Variants in CENPP observed in about 807,000 individuals in gnomAD.
CENPP encodes centromere protein P.
CENPP carries 24 observed loss-of-function variants against 35.6 expected under a neutral mutation model. That is an observed-to-expected ratio of 0.67 (90% CI 0.49 to 0.95). CENPP has a LOEUF of 0.95. CENPP is among the 40% of genes least tolerant of loss of function. The probability of loss-of-function intolerance (pLI) is 0.00; values close to 1 mark genes in which losing one functional copy is unlikely to be tolerated. For synonymous variants in CENPP, 120 were observed against 125.5 expected, an observed-to-expected ratio of 0.96 and a Z score of 0.29; for missense variants, 332 against 345.3, an observed-to-expected ratio of 0.96 and a Z score of 0.31.
intron 5 of CENPP, among the ~76,000 whole-genome samples, chr9:92,503,880 G>C (rs927461441): frequency 6.6e-5 from 10 of 152,234 alleles, no homozygotes; most frequent in African/African-American, 2.2e-4. Context: ...CTGTAGGAAA[G>C]AATGACATGA....
intron 5 of CENPP, among the ~76,000 whole-genome samples, chr9:92,404,220 T>C (rs1164435782): frequency 6.6e-6 from 1 of 152,156 alleles, no homozygotes; most frequent in East Asian, 1.9e-4. Flanking sequence ...ACAGAATCAC[T>C]CAAGAGTTGC....
chr9:92,344,266 A>G (rs1245863995), intron 3 of CENPP, among the ~76,000 whole-genome samples: 1 of 152,212 alleles, frequency 6.6e-6, no homozygotes. Flanking sequence ...ACAGGATTCT[A>G]TAACCCAACA....
intron 5 of CENPP, among the ~76,000 whole-genome samples, chr9:92,605,686 G>A (rs761326553): frequency 6.6e-6 from 1 of 152,104 alleles, no homozygotes; most frequent in Admixed American, 6.6e-5. Context: ...AGCTAAAACT[G>A]TAAAACTCTT....
At chr9:92,402,223 C>A (rs144816732) in intron 5 of CENPP, among the ~76,000 whole-genome samples, 1 of 151,936 alleles carries the variant, frequency 6.6e-6, no homozygotes, top group South Asian at 2.1e-4. Context: ...ATTAGTAATA[C>A]CTATCCTTTG....
chr9:92,437,270 CT>C (rs1223884419), intron 5 of CENPP, among the ~76,000 whole-genome samples: 2 of 151,964 alleles, frequency 1.3e-5, no homozygotes, highest in African/African-American at 4.8e-5. Context: ...ATCAATTTGC[CT>C]TTTTTTAATT....
At chr9:92,402,331 A>C (rs1056076482) in intron 5 of CENPP, among the ~76,000 whole-genome samples, 5 of 152,180 alleles carry the variant, frequency 3.3e-5, no homozygotes, top group Non-Finnish European at 5.9e-5. Context: ...GTACCCCTGC[A>C]AAAAAGAAAA....
chr9:92,356,783 A>G (rs1455524823), intron 4 of CENPP, among the ~76,000 whole-genome samples: 2 of 152,162 alleles, frequency 1.3e-5, no homozygotes, highest in Non-Finnish European at 2.9e-5. Flanking sequence ...GACAGGTGTA[A>G]GAAATTATAA....
intron 5 of CENPP, among the ~76,000 whole-genome samples, chr9:92,529,474 G>A (rs1848615519): frequency 2.0e-5 from 3 of 152,094 alleles, no homozygotes; most frequent in Admixed American, 2.0e-4. Context: ...CAAATAAGAT[G>A]AAAATCTATG....
chr9:92,584,624 G>GT (rs954096811), intron 5 of CENPP, among the ~76,000 whole-genome samples: 3 of 152,136 alleles, frequency 2.0e-5, no homozygotes, highest in Non-Finnish European at 2.9e-5. Context: ...ATGCCTGGCT[G>GT]TAAGTTCGTT....
intron 5 of CENPP, chr9:92,522,885 A>C: frequency 6.3e-7 from 1 of 1,579,762 alleles, no homozygotes; most frequent in Non-Finnish European, 8.6e-7. Context: ...TTTTTCCACC[A>C]GCCAATTTCT....
At chr9:92,404,645 G>T in intron 5 of CENPP, 1 of 1,270,672 alleles carries the variant, frequency 7.9e-7, no homozygotes, top group African/African-American at 1.6e-5. Context: ...TTTAAGAACA[G>T]TTTCCATGTG....
chr9:92,506,471 C>G (rs1218519504), intron 5 of CENPP, among the ~76,000 whole-genome samples: 4 of 152,146 alleles, frequency 2.6e-5, no homozygotes, highest in Non-Finnish European at 5.9e-5. Context: ...GACAGCTCAG[C>G]AATGATAATA....
At chr9:92,505,986 G>A (rs897846137) in intron 5 of CENPP, among the ~76,000 whole-genome samples, 5 of 152,120 alleles carry the variant, frequency 3.3e-5, no homozygotes, top group Admixed American at 1.3e-4. Context: ...AGAGAGGGAG[G>A]GAGATAGGAA....
chr9:92,469,371 C>A (rs564111691), intron 5 of CENPP, among the ~76,000 whole-genome samples: 48 of 152,204 alleles, frequency 3.2e-4, no homozygotes, highest in South Asian at 3.1e-3. Context: ...AGGCTTGATG[C>A]AAGGATTGAG....
intron 4 of CENPP, among the ~76,000 whole-genome samples, chr9:92,369,597 T>C (rs1027621568): frequency 1.3e-5 from 2 of 152,222 alleles, no homozygotes; most frequent in African/African-American, 4.8e-5. Flanking sequence ...CAGTATTAAT[T>C]CTTCAAAGCA....
intron 5 of CENPP, among the ~76,000 whole-genome samples, chr9:92,547,121 C>T (rs917866355): frequency 1.3e-5 from 2 of 152,122 alleles, no homozygotes; most frequent in African/African-American, 4.8e-5. Context: ...GTAAGTGTAA[C>T]AGTCCAAACA....
At position 92,409,470 on chromosome 9, in the gene CENPP, A is replaced by G. The variant is rs77695003; in HGVS notation, c.564+29611A>G. Among the ~76,000 whole-genome samples, 884 of 152,328 alleles carry G rather than the reference A, an allele frequency of 5.8e-3. 46 individuals carry two copies. The East Asian group carries it at 0.092, about 16-fold the overall frequency. The stretch of plus-strand genomic sequence containing the variant: ...TGATTAAGTGTGTTATATAATATGC[A>G]TACATCTGTATTTTACTTTAGTGCT... On this transcript the variant is annotated intron_variant, in intron 5 of 7. Coordinates refer to ENST00000375587, the MANE Select transcript of CENPP (RefSeq NM_001012267.3).
At chr9:92,587,043 G>C (rs1235384722) in intron 5 of CENPP, among the ~76,000 whole-genome samples, 2 of 151,946 alleles carry the variant, frequency 1.3e-5, no homozygotes, top group Non-Finnish European at 2.9e-5. Context: ...TCATCTCTGA[G>C]GAAACCCAGA....
intron 5 of CENPP, among the ~76,000 whole-genome samples, chr9:92,596,480 GA>G: frequency 7.8e-6 from 1 of 128,072 alleles, no homozygotes; most frequent in South Asian, 2.5e-4. Flanking sequence ...AGAAAGAATA[GA>G]AAAATAGGTG....
Sources: gnomAD v4.1 joint callset for allele counts (sites outside exome capture counted in the v4.1 genomes callset) on GRCh38, gnomAD v4.1.1 for gene constraint, MANE v1.5 for transcripts, NCBI Gene and HGNC (gene_info 2026-07-23, HGNC 2026-07-21) for gene names.